Variants in AKAP19 observed in about 807,000 individuals in gnomAD.
The protein encoded by AKAP19 is A-kinase anchoring protein 19, also known as small A-kinase anchoring protein.
At chr2:190,157,943 G>T in the AKAP19 span, among the ~76,000 whole-genome samples, 2 of 152,326 alleles carry the variant, frequency 1.3e-5, no homozygotes, top group Admixed American at 6.5e-5. Context: ...CAGGCAGCCC[G>T]GCGCCAGGCC....
the AKAP19 span, among the ~76,000 whole-genome samples, chr2:189,899,670 G>A: frequency 6.6e-6 from 1 of 151,978 alleles, no homozygotes; most frequent in Admixed American, 6.6e-5. Flanking sequence ...TTTGGCTGTT[G>A]CCCTTTTTCA....
the AKAP19 span, chr2:190,200,325 C>T: frequency 1.6e-6 from 1 of 608,814 alleles, no homozygotes; most frequent in East Asian, 2.9e-5. Context: ...TCTATGTTAA[C>T]AGCAATTTCT....
At chr2:189,930,831 A>G in the AKAP19 span, 1 of 786,920 alleles carries the variant, frequency 1.3e-6, no homozygotes, top group Admixed American at 1.8e-5. Context: ...GAGCTATCCT[A>G]ATTTGTTAGG....
At chr2:190,024,087 T>C in the AKAP19 span, among the ~76,000 whole-genome samples, 2 of 151,980 alleles carry the variant, frequency 1.3e-5, no homozygotes, top group Non-Finnish European at 2.9e-5. Flanking sequence ...ATTTATGTTA[T>C]GCAAATGCAA....
chr2:189,911,199 T>C, the AKAP19 span, among the ~76,000 whole-genome samples: 5 of 152,094 alleles, frequency 3.3e-5, no homozygotes, highest in African/African-American at 1.2e-4. Context: ...GAGTAACACT[T>C]TGGGATTTTT....
At chr2:190,188,256 T>G in the AKAP19 span, among the ~76,000 whole-genome samples, 1 of 152,220 alleles carries the variant, frequency 6.6e-6, no homozygotes, top group Admixed American at 6.5e-5. Context: ...ACTGGTTGGA[T>G]GGTTAAGGGA....
At chr2:189,908,397 A>T in the AKAP19 span, among the ~76,000 whole-genome samples, 1 of 152,122 alleles carries the variant, frequency 6.6e-6, no homozygotes, top group South Asian at 2.1e-4. Context: ...GGGTTTCATC[A>T]CGTTGGCCAG....
chr2:189,910,343 G>T, the AKAP19 span, among the ~76,000 whole-genome samples: 4 of 151,980 alleles, frequency 2.6e-5, no homozygotes, highest in Non-Finnish European at 1.5e-5. Context: ...ATTGGGTACA[G>T]TGTATTACTT....
the AKAP19 span, among the ~76,000 whole-genome samples, chr2:189,980,668 G>A: frequency 6.6e-6 from 1 of 152,168 alleles, no homozygotes; most frequent in Non-Finnish European, 1.5e-5. Context: ...GCTAAACAAT[G>A]TGTACACATT....
the AKAP19 span, among the ~76,000 whole-genome samples, chr2:189,898,428 A>G: frequency 6.6e-6 from 1 of 152,100 alleles, no homozygotes. Flanking sequence ...CATCCCCACA[A>G]ACATAATTTC....
the AKAP19 span, among the ~76,000 whole-genome samples, chr2:190,164,428 G>A: frequency 3.3e-5 from 5 of 152,142 alleles, no homozygotes; most frequent in East Asian, 1.9e-4. Flanking sequence ...CTACTGGGGC[G>A]GCTGAGGTGG....
At chr2:189,924,500 G>GT in the AKAP19 span, among the ~76,000 whole-genome samples, 1 of 152,116 alleles carries the variant, frequency 6.6e-6, no homozygotes, top group African/African-American at 2.4e-5. Flanking sequence ...ATGATGTATG[G>GT]TTTTTATCAA....
At chr2:190,202,335 TATGTTAACCC>T in the AKAP19 span, 3 of 167,060 alleles carry the variant, frequency 1.8e-5, no homozygotes, top group Non-Finnish European at 4.4e-5. Context: ...TGCTGTATTG[TATGTTAACCC>T]ATGACATATA....
chr2:190,057,439 A>G, the AKAP19 span: 1 of 1,613,618 alleles, frequency 6.2e-7, no homozygotes, highest in Non-Finnish European at 8.5e-7. Flanking sequence ...TTGTAAAAAT[A>G]CAAATTCACA....
chr2:190,101,480 T>G, the AKAP19 span, among the ~76,000 whole-genome samples: 1 of 151,880 alleles, frequency 6.6e-6, no homozygotes, highest in East Asian at 1.9e-4. Flanking sequence ...GAGCACACAT[T>G]TGCCTGGACC....
the AKAP19 span, among the ~76,000 whole-genome samples, chr2:189,893,819 T>A: frequency 6.6e-6 from 1 of 152,316 alleles, no homozygotes; most frequent in African/African-American, 2.4e-5. Flanking sequence ...TATGTACATA[T>A]GTTATATGAA....
chr2:190,025,635 T>C, the AKAP19 span, among the ~76,000 whole-genome samples: 6 of 152,186 alleles, frequency 3.9e-5, no homozygotes, highest in South Asian at 1.2e-3. Flanking sequence ...TGACTGAGCA[T>C]GGTGCAGACA....
chr2:190,138,699 G>T, the AKAP19 span, among the ~76,000 whole-genome samples: 1 of 152,120 alleles, frequency 6.6e-6, no homozygotes, highest in South Asian at 2.1e-4. Context: ...GAAACCCCAA[G>T]GAGCTTACTT....
the AKAP19 span, among the ~76,000 whole-genome samples, chr2:189,941,850 G>T: frequency 1.3e-5 from 2 of 152,130 alleles, no homozygotes; most frequent in Admixed American, 6.6e-5. Context: ...GACTCAATTT[G>T]CCAATTAAAA....
Sources: gnomAD v4.1 joint callset for allele counts (sites outside exome capture counted in the v4.1 genomes callset) on GRCh38, gnomAD v4.1.1 for gene constraint, MANE v1.5 for transcripts, NCBI Gene and HGNC (gene_info 2026-07-23, HGNC 2026-07-21) for gene names.